SPATA16: variants seen among roughly 807,000 people sequenced by gnomAD.
The protein encoded by SPATA16 is spermatogenesis-associated protein 16.
Under a neutral mutation model 63.3 loss-of-function variants are expected in SPATA16, and 36 were observed. The observed-to-expected ratio is 0.57, with a 90% CI of 0.44 to 0.75. The LOEUF is 0.75. Ranked by LOEUF, SPATA16 falls within the 30% of genes least tolerant of loss-of-function variation. The pLI, the probability that SPATA16 is intolerant of heterozygous loss-of-function variation, is 0.00. For missense variants in SPATA16, 646 were observed against 679.3 expected, an observed-to-expected ratio of 0.95 and a Z score of 0.54; for synonymous variants, 203 against 216.7, an observed-to-expected ratio of 0.94 and a Z score of 0.56.
In SPATA16 at chr3:173,117,602, A is replaced by T. The variant is rs146572379; in HGVS notation, c.130T>A (p.Ser44Thr). 0.029 allele frequency: 46,825 copies of T among 1,613,684 alleles called. 793 individuals are homozygous for T. Among genetic ancestry groups the T allele is most frequent in the Admixed American group, 0.051 (3,070 of 59,980 alleles). The change falls in exon 2 of 11, where the codon TCA (serine) becomes ACA (threonine). Residue 44 changes from serine to threonine, a missense_variant. Transcript: ENST00000351008. Reference sequence around the variant, plus strand: ...CCACAGTTTTTCTTAATCTCTTGTGACATTTCCAGGATGTTAGGTGGGTGC... The same window carrying T: ...CCACAGTTTTTCTTAATCTCTTGTGTCATTTCCAGGATGTTAGGTGGGTGC... ...LAHPPNILEM[S>T]QEIKKNCGGK...
At chr3:173,104,824 C>T (rs1047663134) in intron 2 of SPATA16, among the ~76,000 whole-genome samples, 1 of 152,192 alleles carries the variant, frequency 6.6e-6, no homozygotes, top group Admixed American at 6.5e-5. Flanking sequence ...TTCCCTCTCT[C>T]TATGGACTCT....
chr3:173,097,825 C>T (rs1463356656), intron 2 of SPATA16, among the ~76,000 whole-genome samples: 1 of 152,140 alleles, frequency 6.6e-6, no homozygotes. Flanking sequence ...CAAAGGATAC[C>T]ATTCAACAAA....
intron 10 of SPATA16, among the ~76,000 whole-genome samples, chr3:172,890,831 A>G (rs933484130): frequency 6.6e-5 from 10 of 151,674 alleles, no homozygotes; most frequent in Non-Finnish European, 1.5e-4. Flanking sequence ...TATTTCAGGT[A>G]CATTTTTTAA....
At chr3:172,981,427 A>G (rs958263383) in intron 4 of SPATA16, among the ~76,000 whole-genome samples, 28 of 152,136 alleles carry the variant, frequency 1.8e-4, no homozygotes, top group African/African-American at 6.8e-4. Flanking sequence ...TATCATCTGG[A>G]CACATGTTGC....
chr3:173,084,142 A>G (rs2108315082), intron 2 of SPATA16, among the ~76,000 whole-genome samples: 1 of 152,258 alleles, frequency 6.6e-6, no homozygotes. Flanking sequence ...TCCCACCAAC[A>G]GTGTAAGTGT....
At chr3:172,910,773 A>C (rs903356465) in intron 10 of SPATA16, among the ~76,000 whole-genome samples, 1 of 152,044 alleles carries the variant, frequency 6.6e-6, no homozygotes, top group African/African-American at 2.4e-5. Flanking sequence ...TCCTTACTCT[A>C]TTATACTCTT....
At chr3:173,084,669 TTAA>T (rs1168256457) in intron 2 of SPATA16, among the ~76,000 whole-genome samples, 1 of 152,212 alleles carries the variant, frequency 6.6e-6, no homozygotes, top group Non-Finnish European at 1.5e-5. Flanking sequence ...ATTTAAGTCT[TTAA>T]TCCATCTTCA....
chr3:172,952,130 G>T (rs10804851), intron 6 of SPATA16, among the ~76,000 whole-genome samples: 58,952 of 151,846 alleles, frequency 0.39, 12,478 homozygotes, highest in African/African-American at 0.56. Flanking sequence ...TGTCTGTGGA[G>T]GGGGGAGTGT....
intron 2 of SPATA16, among the ~76,000 whole-genome samples, chr3:173,052,625 A>C (rs1441901214): frequency 1.3e-5 from 2 of 152,262 alleles, no homozygotes; most frequent in African/African-American, 4.8e-5. Flanking sequence ...AAATGTTGGC[A>C]TCAGAACCAT....
At position 173,054,308 on chromosome 3, in the gene SPATA16, TA is replaced by T. The variant is rs796736671; in HGVS notation, c.613-5215del. Among the ~76,000 whole-genome samples the T allele has an allele frequency of 5.6e-4, 86 of 152,254 alleles. 2 individuals carry two copies. The highest frequency in any genetic ancestry group is 2.0e-3 in the African/African-American group (85 of 41,560). On this transcript the variant is annotated intron_variant, in intron 2 of 10. Transcript: ENST00000351008. ...GGTATATACCCAAAGGAATATAAAT[TA>T]TTGTACTATAAAGACACATGCACAT...
rs146363552 is a variant in SPATA16 at position 173,117,156 on chromosome 3, G to A, written c.576C>T (p.Tyr192=). The change falls in exon 2 of 11, where the codon TAC becomes TAT. Residue 192 remains tyrosine, a synonymous_variant. Coordinates refer to ENST00000351008, the MANE Select transcript of SPATA16 (RefSeq NM_031955.6). ...DASSCYRQKK[Y]ALAAGQFRTA... ...TTCTGAACTGTCCTGCTGCCAAGGC[G>A]TATTTCTTTTGTCTATAGCAAGAGC... 1.1e-4 allele frequency: 174 copies of A among 1,614,026 alleles called. No individual in the cohort carries two copies. Among genetic ancestry groups the A allele is most frequent in the East Asian group, 5.1e-4 (23 of 44,874 alleles).
intron 3 of SPATA16, among the ~76,000 whole-genome samples, chr3:173,034,302 G>A (rs532466491): frequency 6.6e-6 from 1 of 152,146 alleles, no homozygotes; most frequent in South Asian, 2.1e-4. Context: ...ATAGTATACT[G>A]AATTCCATTA....
At chr3:173,069,112 G>GAAAAAAAA (rs541801266) in intron 2 of SPATA16, among the ~76,000 whole-genome samples, 3 of 109,138 alleles carry the variant, frequency 2.7e-5, no homozygotes, top group Non-Finnish European at 3.9e-5. Flanking sequence ...TCCGTCTCAA[G>GAAAAAAAA]AAAAAAAAAA....
At chr3:172,908,656 C>A (rs1316279276) in intron 10 of SPATA16, among the ~76,000 whole-genome samples, 3 of 152,148 alleles carry the variant, frequency 2.0e-5, no homozygotes, top group African/African-American at 7.2e-5. Flanking sequence ...GGGATTCTGA[C>A]AGACCCTTTA....
intron 4 of SPATA16, among the ~76,000 whole-genome samples, chr3:173,016,878 G>T (rs766033029): frequency 6.6e-6 from 1 of 152,092 alleles, no homozygotes; most frequent in Non-Finnish European, 1.5e-5. Context: ...GCTGGGTGTG[G>T]TGGTGTGTGC....
chr3:173,096,281 A>G (rs1378109130), intron 2 of SPATA16, among the ~76,000 whole-genome samples: 1 of 152,074 alleles, frequency 6.6e-6, no homozygotes, highest in Non-Finnish European at 1.5e-5. Context: ...TTAAAAGGGG[A>G]AGTCATTTTC....
At chr3:173,104,232 T>C (rs1451863904) in intron 2 of SPATA16, among the ~76,000 whole-genome samples, 1 of 152,212 alleles carries the variant, frequency 6.6e-6, no homozygotes, top group Non-Finnish European at 1.5e-5. Flanking sequence ...GTTTCCCTCA[T>C]CTTCCTTTCT....
intron 2 of SPATA16, among the ~76,000 whole-genome samples, chr3:173,056,243 G>A (rs1736219365): frequency 6.6e-6 from 1 of 152,202 alleles, no homozygotes; most frequent in Non-Finnish European, 1.5e-5. Context: ...TTCATAGAAG[G>A]AAATTGGCAA....
At chr3:172,946,099 A>G (rs1733278326) in intron 6 of SPATA16, among the ~76,000 whole-genome samples, 1 of 152,140 alleles carries the variant, frequency 6.6e-6, no homozygotes, top group Non-Finnish European at 1.5e-5. Context: ...ACCAGACACA[A>G]CCTGAGCTGG....
Sources: allele counts gnomAD v4.1 joint callset (sites outside exome capture counted in the v4.1 genomes callset), GRCh38; gene constraint gnomAD v4.1.1; transcripts MANE v1.5; gene names NCBI Gene and HGNC (gene_info 2026-07-23, HGNC 2026-07-21).